The following ERICH1 variants were observed in gnomAD, a reference collection of about 807,000 sequenced individuals.
ERICH1 encodes glutamate-rich protein 1.
ERICH1 carries 56 observed loss-of-function variants against 39.6 expected under a neutral mutation model. The ratio of observed to expected loss-of-function variants is 1.41; its 90% CI spans 1.14 to 1.77. ERICH1 has a LOEUF of 1.77. Ranked by LOEUF, ERICH1 falls within the 40% of genes most tolerant of loss-of-function variation. ERICH1 has a pLI of 0.00. For synonymous variants in ERICH1, 313 were observed against 223.6 expected (o/e 1.40, Z -3.57); for missense variants, 826 against 575.4 (o/e 1.44, Z -4.45).
At chr8:686,193 C>G (rs1807322093) in intron 3 of ERICH1, among the ~76,000 whole-genome samples, 1 of 151,972 alleles carries the variant, frequency 6.6e-6, no homozygotes, top group Admixed American at 6.6e-5. Flanking sequence ...ACCTTTTTTT[C>G]TCAGATACTC....
intron 2 of ERICH1, among the ~76,000 whole-genome samples, chr8:702,757 C>A (rs1033946738): frequency 2.6e-5 from 4 of 152,328 alleles, no homozygotes; most frequent in Middle Eastern, 6.8e-3. Context: ...CCAAGACCCG[C>A]CAAAGTGGAC....
At chr8:723,709 G>A (rs1817889302) in intron 1 of ERICH1, among the ~76,000 whole-genome samples, 1 of 152,076 alleles carries the variant, frequency 6.6e-6, no homozygotes, top group African/African-American at 2.4e-5. Context: ...TGTATTTTCT[G>A]GAAATCTGAT....
downstream of ERICH1, among the ~76,000 whole-genome samples, chr8:660,945 G>A (rs1278067309): frequency 1.3e-5 from 2 of 152,098 alleles, no homozygotes; most frequent in Non-Finnish European, 2.9e-5. Flanking sequence ...GGCTAGCTCC[G>A]GGTTCCTGGG....
intron 3 of ERICH1, among the ~76,000 whole-genome samples, chr8:622,830 C>G (rs1459867095): frequency 6.6e-6 from 1 of 151,898 alleles, no homozygotes; most frequent in Non-Finnish European, 1.5e-5. Context: ...TAGTGGTGCA[C>G]ACCTGTGGTC....
intron 2 of ERICH1, among the ~76,000 whole-genome samples, chr8:699,563 A>T (rs1811203152): frequency 6.6e-6 from 1 of 150,958 alleles, no homozygotes; most frequent in Admixed American, 6.6e-5. Context: ...CAGGCGTTCC[A>T]GAGAAGGAGG....
intron 3 of ERICH1, among the ~76,000 whole-genome samples, chr8:643,704 C>A (rs557286751): frequency 2.0e-5 from 3 of 152,198 alleles, no homozygotes; most frequent in Admixed American, 2.0e-4. Flanking sequence ...GAGCCATCCG[C>A]GACTTCGGGA....
intron 3 of ERICH1, among the ~76,000 whole-genome samples, chr8:650,672 C>T (rs751518820): frequency 1.3e-5 from 2 of 152,180 alleles, no homozygotes; most frequent in African/African-American, 4.8e-5. Context: ...GGACATGAGG[C>T]GCAGGACGCA....
chr8:715,120 T>C (rs1815579178), intron 2 of ERICH1, among the ~76,000 whole-genome samples: 1 of 146,934 alleles, frequency 6.8e-6, no homozygotes, highest in South Asian at 2.2e-4. Flanking sequence ...ATCCAGGTGG[T>C]CTCTTCCCAC....
At chr8:627,154 C>A in intron 3 of ERICH1, 1 of 456,290 alleles carries the variant, frequency 2.2e-6, no homozygotes, top group Non-Finnish European at 4.4e-6. Flanking sequence ...CAGCAGCAGA[C>A]CCAGGTCTGA....
chr8:633,007 T>C (rs1394298989), intron 3 of ERICH1, among the ~76,000 whole-genome samples: 1 of 152,116 alleles, frequency 6.6e-6, no homozygotes, highest in South Asian at 2.1e-4. Context: ...GGGAGGCAGA[T>C]CGGCCAGAGC....
At chr8:656,802 C>T (rs781517022) in intron 3 of ERICH1, 2 of 985,478 alleles carry the variant, frequency 2.0e-6, no homozygotes, top group Non-Finnish European at 2.4e-6. Flanking sequence ...AGACTCCCAG[C>T]CTCAGGACTC....
intron 2 of ERICH1, among the ~76,000 whole-genome samples, chr8:710,290 C>T (rs1814408508): frequency 6.6e-6 from 1 of 152,100 alleles, no homozygotes; most frequent in African/African-American, 2.4e-5. Flanking sequence ...CAGTCCTCGG[C>T]ATCATACAGG....
intron 3 of ERICH1, among the ~76,000 whole-genome samples, chr8:655,660 A>ATTCCTTCCTTCCTTCCTTCCTTCCTTCC (rs57152332): frequency 4.2e-5 from 6 of 143,088 alleles, no homozygotes; most frequent in African/African-American, 1.0e-4. Context: ...TGTCCTCTGC[A>ATTCCTTCCTTCCTTCCTTCCTTCCTTCC]TTCCTTCCTT....
At chr8:652,256 G>A (rs1800065219) in intron 3 of ERICH1, among the ~76,000 whole-genome samples, 1 of 152,230 alleles carries the variant, frequency 6.6e-6, no homozygotes, top group Non-Finnish European at 1.5e-5. Flanking sequence ...AGGAGGAAAG[G>A]TTACGTGATG....
At chr8:652,586 A>G (rs1800112051) in intron 3 of ERICH1, among the ~76,000 whole-genome samples, 1 of 152,112 alleles carries the variant, frequency 6.6e-6, no homozygotes, top group Admixed American at 6.5e-5. Context: ...GATAATTCCT[A>G]TGGTCATTCA....
chr8:657,622 T>C (rs1800821405), intron 3 of ERICH1, among the ~76,000 whole-genome samples: 1 of 151,146 alleles, frequency 6.6e-6, no homozygotes, highest in South Asian at 2.1e-4. Context: ...AAATGCATCA[T>C]TGGCCACTGG....
intron 1 of ERICH1, among the ~76,000 whole-genome samples, chr8:729,940 G>A (rs954435997): frequency 5.9e-5 from 9 of 152,058 alleles, no homozygotes; most frequent in African/African-American, 1.9e-4. Context: ...AGTGTGTTGT[G>A]GTTTAAAACA....
chr8:636,768 C>T (rs1005754750), intron 3 of ERICH1, among the ~76,000 whole-genome samples: 4 of 152,244 alleles, frequency 2.6e-5, no homozygotes, highest in African/African-American at 9.6e-5. Context: ...CTGATGAGGC[C>T]CCAGACGTGC....
rs1819933777 is a variant in ERICH1 at position 731,211 on chromosome 8, G to A, written c.-50C>T. Reference sequence around the variant, plus strand: ...ACCACGGCGCGCGGTCCTGAGCTGAGCGCCGTGCCTTCCGGGTTCCGCCCT... The same window carrying A: ...ACCACGGCGCGCGGTCCTGAGCTGAACGCCGTGCCTTCCGGGTTCCGCCCT... On this transcript the variant is annotated 5_prime_UTR_variant, in exon 1 of 6. Coordinates refer to ENST00000262109, the MANE Select transcript of ERICH1 (RefSeq NM_207332.3). 2.1e-6 allele frequency: 3 copies of A among 1,422,058 alleles called. No homozygotes were observed. Among genetic ancestry groups the A allele is most frequent in the East Asian group, 2.9e-5 (1 of 34,924 alleles). The allele number at this position is 1,422,058 out of a possible 1,614,324, so 88.1% of individuals were successfully genotyped here.
Sources: allele counts gnomAD v4.1 joint callset (sites outside exome capture counted in the v4.1 genomes callset), GRCh38; gene constraint gnomAD v4.1.1; transcripts MANE v1.5; gene names NCBI Gene and HGNC (gene_info 2026-07-23, HGNC 2026-07-21).